Variants in CACNA1C observed in about 807,000 individuals in gnomAD.
The protein encoded by CACNA1C is voltage-dependent L-type calcium channel subunit alpha-1C.
Under a neutral mutation model 229.0 loss-of-function variants are expected in CACNA1C, and 30 were observed. The observed-to-expected ratio is 0.13, with a 90% CI of 0.10 to 0.18. The LOEUF (loss-of-function observed/expected upper bound fraction) is 0.18. Among genes scored for constraint, CACNA1C ranks in the 10% least tolerant of loss-of-function variants. The pLI, the probability that CACNA1C is intolerant of heterozygous loss-of-function variation, is 1.00. For synonymous variants in CACNA1C, 1,114 were observed against 1,132.5 expected (o/e 0.98, Z 0.33); for missense variants, 1,658 against 2,845.0 (o/e 0.58, Z 9.49).
intron 3 of CACNA1C, among the ~76,000 whole-genome samples, chr12:2,411,313 G>A (rs1338463948): frequency 1.3e-5 from 2 of 152,142 alleles, no homozygotes; most frequent in South Asian, 2.1e-4. Context: ...ACTCAGTCAC[G>A]GGCAGAGTCA....
At chr12:2,333,320 C>G (rs2096603144) in intron 3 of CACNA1C, among the ~76,000 whole-genome samples, 1 of 152,208 alleles carries the variant, frequency 6.6e-6, no homozygotes, top group Admixed American at 6.5e-5. Context: ...AAAACCTGTG[C>G]TCTTAATTCC....
At chr12:2,641,212 T>G (rs1386017129) in intron 30 of CACNA1C, among the ~76,000 whole-genome samples, 1 of 152,196 alleles carries the variant, frequency 6.6e-6, no homozygotes, top group Admixed American at 6.5e-5. Flanking sequence ...TGTTTATTCC[T>G]CAAAGGTACC....
At position 2,125,795 on chromosome 12, in the gene CACNA1C, C is replaced by T. The variant is rs190934570; in HGVS notation, c.477+5365C>T. On this transcript the variant is annotated intron_variant, in intron 3 of 46. Coordinates refer to ENST00000399655, the MANE Select transcript of CACNA1C (RefSeq NM_000719.7). ...GATTGGATCCACCTTCAGCTCCCTC[C>T]GCAATCAGCTCTGTCTACCCACAGG... is the stretch of plus-strand genomic sequence containing the variant. Among the ~76,000 whole-genome samples the T allele has an allele frequency of 2.0e-4, 31 of 152,274 alleles. No individual in the cohort carries two copies. The South Asian group carries it at 2.1e-3, about 10-fold the overall frequency.
intron 3 of CACNA1C, among the ~76,000 whole-genome samples, chr12:2,170,432 C>G (rs1049866531): frequency 2.0e-5 from 3 of 152,190 alleles, no homozygotes; most frequent in African/African-American, 7.2e-5. Context: ...CCAGGCTGTC[C>G]CACCACTTCA....
intron 5 of CACNA1C, among the ~76,000 whole-genome samples, chr12:2,462,922 T>C (rs112828597): frequency 1.3e-5 from 2 of 150,332 alleles, no homozygotes; most frequent in East Asian, 1.9e-4. Flanking sequence ...TTTTTTTTTT[T>C]TTTTTTTTGA....
Position 2,488,851 on chromosome 12 carries a change from G to A in CACNA1C, c.916+2589G>A, listed in dbSNP as rs536920590. Among the ~76,000 whole-genome samples the A allele has an allele frequency of 1.3e-5, 2 of 152,262 alleles. No individual in the cohort carries two copies. Among genetic ancestry groups the A allele is most frequent in the East Asian group, 1.9e-4 (1 of 5,178 alleles). Reference sequence around the variant, plus strand: ...GCAATCAGGAGCTTGCTGTCCCTTCGTTCCCAAACCTGCCGTCTGATCACA... The same window carrying A: ...GCAATCAGGAGCTTGCTGTCCCTTCATTCCCAAACCTGCCGTCTGATCACA... On this transcript the variant is annotated intron_variant, in intron 6 of 46. Coordinates refer to ENST00000399655, the MANE Select transcript of CACNA1C (RefSeq NM_000719.7). The surrounding 1 kb of genome is among the most constrained non-coding windows in gnomAD (Gnocchi z 4.0).
Position 2,590,668 on chromosome 12 carries a change from T to C in CACNA1C, c.2531-2545T>C, listed in dbSNP as rs112524660. 4.1e-4 allele frequency among the ~76,000 whole-genome samples: 63 copies of C among 152,342 alleles called. 1 individual carries two copies. The highest frequency in any genetic ancestry group is 1.4e-3 in the African/African-American group (60 of 41,590). On this transcript the variant is annotated intron_variant, in intron 18 of 46. Transcript: ENST00000399655. ...TTCTCCCCAGGAATGGAGCTCAGCA[T>C]GGAGCTTCATAAACGGGGGGGAGCT...
At chr12:1,977,362 A>G (rs1002090043) in intron 1 of CACNA1C, among the ~76,000 whole-genome samples, 8 of 152,330 alleles carry the variant, frequency 5.3e-5, no homozygotes, top group African/African-American at 1.9e-4. Context: ...AGTGGGAAAC[A>G]GGAAGACATT....
At chr12:2,157,594 GC>G (rs919056281) in intron 3 of CACNA1C, among the ~76,000 whole-genome samples, 3 of 152,224 alleles carry the variant, frequency 2.0e-5, no homozygotes, top group Non-Finnish European at 4.4e-5. Flanking sequence ...CCCTAAGGGG[GC>G]CCTAAGATCT....
Position 2,410,265 on chromosome 12 carries a change from G to A in CACNA1C, c.478-38711G>A, listed in dbSNP as rs1203558515. Among the ~76,000 whole-genome samples the A allele has an allele frequency of 6.6e-6, 1 of 152,136 alleles. No individual in the cohort carries two copies. Among genetic ancestry groups the A allele is most frequent in the Non-Finnish European group, 1.5e-5 (1 of 68,028 alleles). On this transcript the variant is annotated intron_variant, in intron 3 of 46. Transcript: ENST00000399655. This position sits in a 1 kb window ranked among gnomAD's most constrained non-coding sequence, Gnocchi z 5.3. ...TCGACCTCAACGAGCTCGTCGCCGG[G>A]CACCGTTTTAGCAGCCCCACCACCC...
intron 3 of CACNA1C, among the ~76,000 whole-genome samples, chr12:2,378,360 G>A (rs1376484153): frequency 6.6e-6 from 1 of 152,156 alleles, no homozygotes; most frequent in Non-Finnish European, 1.5e-5. Context: ...ACCCCTCTAT[G>A]GCCTCTGCAA....
chr12:2,233,202 C>T (rs1038226102), intron 3 of CACNA1C, among the ~76,000 whole-genome samples: 6 of 152,286 alleles, frequency 3.9e-5, no homozygotes, highest in Middle Eastern at 3.4e-3. Context: ...AGGACCAGTT[C>T]GTGACTCTCC....
At chr12:2,196,889 G>A (rs1341405714) in intron 3 of CACNA1C, among the ~76,000 whole-genome samples, 2 of 152,204 alleles carry the variant, frequency 1.3e-5, no homozygotes, top group African/African-American at 4.8e-5. Flanking sequence ...CTTCAGAACT[G>A]CCCCAGACCA....
At chr12:2,396,185 G>T (rs1039104546) in intron 3 of CACNA1C, among the ~76,000 whole-genome samples, 2 of 152,086 alleles carry the variant, frequency 1.3e-5, no homozygotes, top group South Asian at 2.1e-4. Flanking sequence ...GTTATTTCCT[G>T]GGGTTCTATC....
chr12:2,199,394 T>C (rs1034989431), intron 3 of CACNA1C, among the ~76,000 whole-genome samples: 2 of 152,216 alleles, frequency 1.3e-5, no homozygotes, highest in Admixed American at 1.3e-4. Context: ...AAAACCTTTA[T>C]GATGGTCCAC....
At chr12:2,349,117 C>T (rs1424963400) in intron 3 of CACNA1C, among the ~76,000 whole-genome samples, 1 of 152,156 alleles carries the variant, frequency 6.6e-6, no homozygotes, top group African/African-American at 2.4e-5. Flanking sequence ...AGGATGGTGA[C>T]CTGCTCTACT....
rs552996631 is a variant in CACNA1C at position 2,181,728 on chromosome 12, C to G, written c.477+61298C>G. 3.7e-4 allele frequency among the ~76,000 whole-genome samples: 57 copies of G among 152,128 alleles called. 1 individual carries two copies. The South Asian group carries it at 0.011, about 29-fold the overall frequency. ...TCCACGATATCGTTTTTTTACAGCT[C>G]ATTACTGAATCCTCACAATAACCCC... On this transcript the variant is annotated intron_variant, in intron 3 of 46. Coordinates refer to ENST00000399655, the MANE Select transcript of CACNA1C (RefSeq NM_000719.7). This position sits in a 1 kb window ranked among gnomAD's most constrained non-coding sequence, Gnocchi z 4.0.
chr12:2,449,236 T>A, intron 4 of CACNA1C, 121 bp downstream of exon 4: 1 of 646,514 alleles, frequency 1.5e-6, no homozygotes, highest in Non-Finnish European at 2.4e-6. Context: ...GCAGATGATC[T>A]AGAGTGAGAA....
chr12:2,485,831 T>C (rs2099695429), intron 5 of CACNA1C, among the ~76,000 whole-genome samples: 1 of 152,206 alleles, frequency 6.6e-6, no homozygotes, highest in Admixed American at 6.5e-5. Context: ...TTGACAGTTA[T>C]GGATGGAAAC....
Sources: allele counts gnomAD v4.1 joint callset (sites outside exome capture counted in the v4.1 genomes callset), GRCh38; gene constraint gnomAD v4.1.1; non-coding constraint Gnocchi (gnomAD v3.1); transcripts MANE v1.5; gene names NCBI Gene and HGNC (gene_info 2026-07-23, HGNC 2026-07-21).